Variants in RNF157 observed in about 807,000 individuals in gnomAD.
RNF157 encodes the protein E3 ubiquitin ligase RNF157.
A neutral mutation model predicts 88.3 loss-of-function variants in RNF157; 55 were observed. That is an observed-to-expected ratio of 0.62 (90% CI 0.50 to 0.78). The LOEUF is 0.78. Among genes scored for constraint, RNF157 ranks in the 30% least tolerant of loss-of-function variants. The pLI is 0.00. For missense variants in RNF157, 788 were observed against 860.8 expected (o/e 0.92, Z 1.06); for synonymous variants, 334 against 341.2 (o/e 0.98, Z 0.23).
chr17:76,192,528 A>C (rs769455259), intron 2 of RNF157, among the ~76,000 whole-genome samples: 17 of 152,188 alleles, frequency 1.1e-4, no homozygotes, highest in Non-Finnish European at 2.2e-4. Context: ...CACGAACAAC[A>C]AGATCTTCGG....
chr17:76,182,958 T>C (rs2069222504), intron 2 of RNF157, among the ~76,000 whole-genome samples: 1 of 151,636 alleles, frequency 6.6e-6, no homozygotes, highest in African/African-American at 2.4e-5. Context: ...TGGTTACTTT[T>C]CGCTCTTGTT....
rs559937445 is a variant in RNF157, at chr17:76,155,655, C to T, written c.1605G>A (p.Met535Ile). The T allele has an allele frequency of 3.1e-5, 50 of 1,613,904 alleles. No homozygotes were observed. The East Asian group carries it at 8.7e-4, about 28-fold the overall frequency. The change falls in exon 15 of 19, where the codon ATG becomes ATA. Residue 535 changes from methionine to isoleucine, a missense_variant. Met to Ile is a conservative substitution (Grantham distance 10). Transcript: ENST00000269391. The stretch of plus-strand genomic sequence containing the variant: ...TGCCAGGGGCGATGTAGGAGCCAGA[C>T]ATGGAGGAGACGGTGTCAGTGCTGA... ...SQISTDTVSS[M>I]SGSYIAPGTE...
chr17:76,201,650 C>T (rs2069580880), intron 2 of RNF157, among the ~76,000 whole-genome samples: 1 of 151,948 alleles, frequency 6.6e-6, no homozygotes, highest in Non-Finnish European at 1.5e-5. Context: ...AATATATGTA[C>T]ATAATGCACA....
In RNF157 at chr17:76,207,594, T is replaced by C. The variant is rs1171469752; in HGVS notation, c.207+4770A>G. ...TATAGCTTAATATAACAATTCATTT[T>C]AACATATTTCACTGCCCATATTCAC... On this transcript the variant is annotated intron_variant, in intron 2 of 18. Coordinates refer to ENST00000269391, the MANE Select transcript of RNF157 (RefSeq NM_052916.3). Among the ~76,000 whole-genome samples the C allele has an allele frequency of 1.3e-5, 2 of 152,244 alleles. 1 individual carries two copies. Among genetic ancestry groups the C allele is most frequent in the East Asian group, 3.8e-4 (2 of 5,204 alleles).
intron 2 of RNF157, among the ~76,000 whole-genome samples, chr17:76,181,256 G>C (rs527801723): frequency 1.3e-5 from 2 of 152,268 alleles, no homozygotes; most frequent in South Asian, 4.1e-4. Flanking sequence ...AAACAGTACT[G>C]AATTCTGTGA....
At chr17:76,182,818 TCC>T in intron 2 of RNF157, among the ~76,000 whole-genome samples, 1 of 126,564 alleles carries the variant, frequency 7.9e-6, no homozygotes, top group South Asian at 2.4e-4. Flanking sequence ...GAGATATATA[TCC>T]TATATATCCT....
chr17:76,164,960 A>G (rs1336065014), intron 7 of RNF157, among the ~76,000 whole-genome samples, 165 bp from the exon 8 acceptor site: 1 of 152,186 alleles, frequency 6.6e-6, no homozygotes, highest in African/African-American at 2.4e-5. Context: ...ATTACATACA[A>G]TATTTTGAGA....
chr17:76,161,904 G>C lies in RNF157; in HGVS notation c.891C>G (p.Leu297=), dbSNP rs929773902. 1 of 1,614,250 alleles carries C rather than the reference G, an allele frequency of 6.2e-7. No homozygotes were observed. The change falls in exon 10 of 19, where the codon CTC becomes CTG. Residue 297 remains leucine, a synonymous_variant. Transcript: ENST00000269391. The surrounding 1 kb of genome is among the most constrained non-coding windows in gnomAD (Gnocchi z 4.6). ...TLILPCRHLC[L]CNTCADTLRY... ...GCAGCGTGTCTGCACAGGTGTTACA[G>C]AGGCAGAGGTGGCGACAGGGCAGAA...
intron 1 of RNF157, among the ~76,000 whole-genome samples, chr17:76,238,071 G>C (rs112762955): frequency 0.016 from 2,381 of 148,030 alleles, 72 homozygotes; most frequent in African/African-American, 0.056. Context: ...GCGTGACAGA[G>C]AGAGACGATG....
At chr17:76,171,253 A>G (rs141536531) in intron 3 of RNF157, among the ~76,000 whole-genome samples, 425 of 151,858 alleles carry the variant, frequency 2.8e-3, no homozygotes, top group Middle Eastern at 3.4e-3. Context: ...CAGTGGTACA[A>G]TCTCGGCTCA....
chr17:76,216,486 C>G (rs1362843405), intron 1 of RNF157, among the ~76,000 whole-genome samples: 12 of 152,184 alleles, frequency 7.9e-5, no homozygotes, highest in Non-Finnish European at 2.9e-5. Flanking sequence ...GTGGCTCACA[C>G]CTGTAATCCT....
chr17:76,192,073 G>A (rs946498677), intron 2 of RNF157, among the ~76,000 whole-genome samples: 6 of 152,278 alleles, frequency 3.9e-5, no homozygotes, highest in Admixed American at 6.5e-5. Context: ...ATAGTTTCCC[G>A]TCAGATGGGG....
chr17:76,210,496 A>G (rs745584087), intron 2 of RNF157, among the ~76,000 whole-genome samples: 4 of 142,854 alleles, frequency 2.8e-5, no homozygotes, highest in South Asian at 2.3e-4. Context: ...AGGCTGAGGC[A>G]GGAGAATGGC....
intron 16 of RNF157, 150 bp from the exon 17 acceptor site, chr17:76,154,478 G>A (rs939049391): frequency 1.1e-5 from 7 of 664,954 alleles, no homozygotes; most frequent in African/African-American, 9.0e-5. Flanking sequence ...ATGCCTCAGA[G>A]GCTGAGTAGA....
intron 3 of RNF157, among the ~76,000 whole-genome samples, chr17:76,168,062 TTAAA>T (rs1345699419): frequency 2.0e-5 from 3 of 152,176 alleles, no homozygotes; most frequent in Admixed American, 6.5e-5. Flanking sequence ...ATCACATAGT[TTAAA>T]TAGTTTCCTC....
chr17:76,155,178 A>C lies in RNF157; in HGVS notation c.1764+74T>G, dbSNP rs568528749. 5 of 1,338,184 alleles carry C rather than the reference A, an allele frequency of 3.7e-6. No individual in the cohort carries two copies. In the African/African-American group the frequency reaches 7.2e-5, roughly 19 times the overall value. 82.9% of individuals were successfully genotyped at this position (1,338,184 alleles called of 1,614,324 possible). The stretch of plus-strand genomic sequence containing the variant: ...GCGCAGCCTCCTGGCCCTGGTCCTT[A>C]CTGGCATCCCCAGCCAAGGCCAGCA... On this transcript the variant is annotated intron_variant, in intron 16 of 18. Transcript: ENST00000269391.
chr17:76,237,355 T>C (rs1267216813), intron 1 of RNF157, among the ~76,000 whole-genome samples: 1 of 152,234 alleles, frequency 6.6e-6, no homozygotes, highest in African/African-American at 2.4e-5. Flanking sequence ...CTAGCCGCTT[T>C]CCAGCGAGCC....
chr17:76,217,476 T>C (rs2069908814), intron 1 of RNF157, among the ~76,000 whole-genome samples: 1 of 152,304 alleles, frequency 6.6e-6, no homozygotes, highest in Admixed American at 6.5e-5. Flanking sequence ...AGCTTTCTAC[T>C]TGCTCAGTCT....
intron 18 of RNF157, among the ~76,000 whole-genome samples, chr17:76,151,111 C>T (rs2068668003): frequency 6.6e-6 from 1 of 152,214 alleles, no homozygotes; most frequent in African/African-American, 2.4e-5. Context: ...AGGCTGGCCC[C>T]GTGGTCAACG....
Sources: allele counts gnomAD v4.1 joint callset (sites outside exome capture counted in the v4.1 genomes callset), GRCh38; gene constraint gnomAD v4.1.1; non-coding constraint Gnocchi (gnomAD v3.1); transcripts MANE v1.5; gene names NCBI Gene and HGNC (gene_info 2026-07-23, HGNC 2026-07-21).